Variants in AARS2 observed in about 807,000 individuals in gnomAD.
AARS2 encodes the protein alanine--tRNA ligase, mitochondrial.
AARS2 carries 78 observed loss-of-function variants against 119.7 expected under a neutral mutation model. The observed-to-expected ratio is 0.65, with a 90% CI of 0.54 to 0.79. The LOEUF is 0.79. Ranked by LOEUF, AARS2 falls within the 30% of genes least tolerant of loss-of-function variation. The pLI is 0.00. For missense variants in AARS2, 1,157 were observed against 1,291.3 expected (o/e 0.90, Z 1.59); for synonymous variants, 502 against 526.3 (o/e 0.95, Z 0.63).
intron 7 of AARS2, 115 bp downstream of exon 7, chr6:44,306,808 G>A (rs998781258): frequency 1.2e-5 from 12 of 999,312 alleles, no homozygotes; most frequent in South Asian, 1.0e-4. Context: ...TGCTGGGCTC[G>A]ATATTTAGGG....
At chr6:44,304,959 G>T in intron 11 of AARS2, 95 bp downstream of exon 11, 2 of 1,610,096 alleles carry the variant, frequency 1.2e-6, no homozygotes, top group Non-Finnish European at 1.7e-6. Context: ...GGCCATCCTG[G>T]GGAATACATA....
At position 44,304,228 on chromosome 6, in the gene AARS2, C is replaced by T. The variant is rs2153354347; in HGVS notation, c.1960G>A (p.Gly654Ser). The change falls in exon 14 of 22, where the codon GGC becomes AGC. Residue 654 changes from glycine to serine, a missense_variant. Physicochemically the swap from Gly to Ser is moderately conservative, Grantham distance 56. Transcript: ENST00000244571. ...QTLGPGTEQQ[G>S]SHLNPEQLRL... ...AGCTGCTCAGGATTGAGATGGGAGCCCTGCTGCTCTGTGCCAGGGCCCAGG... is the reference window on the plus strand; with the variant it reads ...AGCTGCTCAGGATTGAGATGGGAGCTCTGCTGCTCTGTGCCAGGGCCCAGG... The T allele has an allele frequency of 6.2e-7, 1 of 1,614,076 alleles. No individual in the cohort carries two copies. Among genetic ancestry groups the T allele is most frequent in the Middle Eastern group, 1.7e-4 (1 of 5,998 alleles).
intron 3 of AARS2, 53 bp downstream of exon 3, chr6:44,311,337 C>T: frequency 4.3e-6 from 7 of 1,613,440 alleles, no homozygotes; most frequent in Non-Finnish European, 5.9e-6. Context: ...GTAGTCTCCA[C>T]TTTCCAGTCC....
Position 44,305,035 on chromosome 6 carries a change from C to A in AARS2, c.1579+19G>T. 1.2e-6 allele frequency: 2 copies of A among 1,614,074 alleles called. No individual in the cohort carries two copies. ...GGTCAGGCAAGCTTGTGGCGGCAGGCCTTGGTCCAGGCTCTCACCATAACT... is the reference window on the plus strand; with the variant it reads ...GGTCAGGCAAGCTTGTGGCGGCAGGACTTGGTCCAGGCTCTCACCATAACT... On this transcript the variant is annotated intron_variant, in intron 11 of 21. Coordinates refer to ENST00000244571, the MANE Select transcript of AARS2 (RefSeq NM_020745.4). This position sits in a 1 kb window ranked among gnomAD's most constrained non-coding sequence, Gnocchi z 4.6.
chr6:44,301,076 G>T (rs1785312033), intron 21 of AARS2, 80 bp downstream of exon 21: 11 of 1,334,998 alleles, frequency 8.2e-6, no homozygotes, highest in Non-Finnish European at 1.2e-5. Context: ...CCTTTGGGAG[G>T]AATTAAAGGT....
At position 44,305,739 on chromosome 6, in the gene AARS2, AG is replaced by A; in HGVS notation, c.1347del (p.Leu450TrpfsTer4). The A allele has an allele frequency of 1.2e-6, 2 of 1,614,148 alleles. No individual in the cohort carries two copies. The highest frequency in any genetic ancestry group is 8.5e-7 in the Non-Finnish European group (1 of 1,180,010). ...SLSLCGDLGLPLDMVELMLEE... is the reference protein window; with the variant it reads ...SLSLCGDLGLXLDMVELMLEE... The stretch of plus-strand genomic sequence containing the variant: ...TCCAGCATCAGCTCTACCATGTCCA[AG>A]GGGAGTCCCAGGTCTCCACACAGTG... On this transcript the variant is annotated frameshift_variant, in exon 10 of 22. Coordinates refer to ENST00000244571, the MANE Select transcript of AARS2 (RefSeq NM_020745.4). LOFTEE classifies it high-confidence loss of function. This position sits in a 1 kb window ranked among gnomAD's most constrained non-coding sequence, Gnocchi z 4.6.
intron 17 of AARS2, 46 bp downstream of exon 17, chr6:44,302,756 A>G (rs1785467230): frequency 4.5e-6 from 7 of 1,566,194 alleles, no homozygotes; most frequent in Non-Finnish European, 6.1e-6. Flanking sequence ...CGTGTGTCCC[A>G]TGCACCCACT....
chr6:44,302,954 G>A (rs779999409), intron 16 of AARS2, 44 bp from the exon 17 acceptor site: 1 of 1,604,344 alleles, frequency 6.2e-7, no homozygotes, highest in Admixed American at 1.7e-5. Context: ...CATGACAGTA[G>A]AGAAGGGAGA....
chr6:44,304,419 C>G lies in AARS2; in HGVS notation c.1866+1G>C. On this transcript the variant is annotated splice_donor_variant, in intron 13 of 21. Coordinates refer to ENST00000244571, the MANE Select transcript of AARS2 (RefSeq NM_020745.4). LOFTEE classifies it high-confidence loss of function. ...TGGGAACAGTTAGGGAGGATCCTTA[C>G]CTCATCCACATGCAGCTGCACCTGG... The G allele has an allele frequency of 6.2e-7, 1 of 1,614,176 alleles. No homozygotes were observed. The highest frequency in any genetic ancestry group is 8.5e-7 in the Non-Finnish European group (1 of 1,180,018).
At position 44,307,484 on chromosome 6, in the gene AARS2, T is replaced by G; in HGVS notation, c.895-90A>C. ...CCTCTAGAGCATCTGCCCTCAGCCC[T>G]AAAGCCAACCACATCCAGAATGGCC... On this transcript the variant is annotated intron_variant, in intron 5 of 21. Coordinates refer to ENST00000244571, the MANE Select transcript of AARS2 (RefSeq NM_020745.4). The surrounding 1 kb of genome is among the most constrained non-coding windows in gnomAD (Gnocchi z 4.4). The G allele has an allele frequency of 1.3e-6, 2 of 1,502,180 alleles. No individual in the cohort carries two copies. The highest frequency in any genetic ancestry group is 1.8e-6 in the Non-Finnish European group (2 of 1,116,706). 93.1% of individuals were successfully genotyped at this position (1,502,180 alleles called of 1,614,324 possible).
At chr6:44,311,567 G>GT in intron 2 of AARS2, 32 bp from the exon 3 acceptor site, 1 of 1,604,848 alleles carries the variant, frequency 6.2e-7, no homozygotes. Context: ...GGTGGGGGGG[G>GT]AAGACGGGTG....
In AARS2 at chr6:44,299,129, C is replaced by T. The variant is rs552452554; in HGVS notation, c.*1418G>A. On this transcript the variant is annotated 3_prime_UTR_variant, in exon 22 of 22. Transcript: ENST00000244571. ...GGAATGCTTTTCCCTGATTTCCACACGGGTCACACCCTCACCTCCCAGCTC... is the reference window on the plus strand; with the variant it reads ...GGAATGCTTTTCCCTGATTTCCACATGGGTCACACCCTCACCTCCCAGCTC... 2.6e-5 allele frequency among the ~76,000 whole-genome samples: 4 copies of T among 152,284 alleles called. No homozygotes were observed. The highest frequency in any genetic ancestry group is 7.2e-5 in the African/African-American group (3 of 41,540).
chr6:44,306,188 A>G, intron 9 of AARS2, 92 bp downstream of exon 9: 1 of 1,193,096 alleles, frequency 8.4e-7, no homozygotes. Context: ...AGGGGTGGAT[A>G]TGAGGCATGG....
rs895035096 is a variant in AARS2, at chr6:44,298,732, G to A, written c.*1815C>T. ...AAATGATGCCAGGCGGGCCCACGCT[G>A]CTCGAATAATTTTTACTAGACAGAA... On this transcript the variant is annotated 3_prime_UTR_variant, in exon 22 of 22. Coordinates refer to ENST00000244571, the MANE Select transcript of AARS2 (RefSeq NM_020745.4). Among the ~76,000 whole-genome samples the A allele has an allele frequency of 1.3e-5, 2 of 152,220 alleles. No individual in the cohort carries two copies. Among genetic ancestry groups the A allele is most frequent in the African/African-American group, 4.8e-5 (2 of 41,450 alleles).
chr6:44,304,343 G>A, intron 13 of AARS2, 22 bp from the exon 14 acceptor site: 2 of 1,614,196 alleles, frequency 1.2e-6, no homozygotes, highest in South Asian at 1.1e-5. Flanking sequence ...TTGTCACCCA[G>A]CGTCCTGGGT....
chr6:44,300,242 G>C lies in AARS2; in HGVS notation c.*305C>G, dbSNP rs1433492470. On this transcript the variant is annotated 3_prime_UTR_variant, in exon 22 of 22. Transcript: ENST00000244571. ...GATCTACCTGCCTCGGCCTCCCAAA[G>C]TGCTTGGATTACAGGTGTGAACCAC... 2 of 433,974 alleles carry C rather than the reference G, an allele frequency of 4.6e-6. No individual in the cohort carries two copies. Among genetic ancestry groups the C allele is most frequent in the Admixed American group, 7.1e-5 (2 of 28,282 alleles). 26.9% of individuals were successfully genotyped at this position (433,974 alleles called of 1,614,324 possible).
intron 2 of AARS2, 143 bp downstream of exon 2, chr6:44,311,929 G>A: frequency 1.0e-6 from 1 of 982,580 alleles, no homozygotes; most frequent in African/African-American, 1.6e-5. Context: ...TCCAATCAGG[G>A]AGGTGAGGTA....
In AARS2 at chr6:44,311,136, A is replaced by G. The variant is rs1786314028; in HGVS notation, c.607T>C (p.Phe203Leu). ...TCCCAGAAGTTCTCTTGTGGTCCAA[A>G]GGAAAGCACACGGCTAGCAGGCACC... ...LGVPASRVLS[F>L]GPQENFWEMG... Residue 203 changes from phenylalanine (F) to leucine (L), a missense_variant, in exon 4 of 22, where the codon TTT becomes CTT. Transcript: ENST00000244571. 1 of 1,614,160 alleles carries G rather than the reference A, an allele frequency of 6.2e-7. No homozygotes were observed. Among genetic ancestry groups the G allele is most frequent in the Non-Finnish European group, 8.5e-7 (1 of 1,180,044 alleles).
In AARS2 at chr6:44,300,203, T is replaced by G; in HGVS notation, c.*344A>C. On this transcript the variant is annotated 3_prime_UTR_variant, in exon 22 of 22. Coordinates refer to ENST00000244571, the MANE Select transcript of AARS2 (RefSeq NM_020745.4). The stretch of plus-strand genomic sequence containing the variant: ...ACCATGTTAGCCAGGATGGTTTTGA[T>G]CTCCTGACCTCATGATCTACCTGCC... 1 of 338,364 alleles carries G rather than the reference T, an allele frequency of 3.0e-6. No homozygotes were observed. Among genetic ancestry groups the G allele is most frequent in the South Asian group, 2.9e-5 (1 of 34,952 alleles). 21.0% of individuals were successfully genotyped at this position (338,364 alleles called of 1,614,324 possible).
Sources: allele counts gnomAD v4.1 joint callset (sites outside exome capture counted in the v4.1 genomes callset), GRCh38; gene constraint gnomAD v4.1.1; non-coding constraint Gnocchi (gnomAD v3.1); transcripts MANE v1.5; gene names NCBI Gene and HGNC (gene_info 2026-07-23, HGNC 2026-07-21).